Variants in SCAI observed in about 807,000 individuals in gnomAD.
The protein encoded by SCAI is protein SCAI.
In SCAI, 24 loss-of-function variants were observed where a neutral mutation model predicts 92.2. That is an observed-to-expected ratio of 0.26 (90% CI 0.19 to 0.37). The LOEUF (loss-of-function observed/expected upper bound fraction) is 0.37. SCAI is among the 10% of genes least tolerant of loss of function. The pLI, the probability that SCAI is intolerant of heterozygous loss-of-function variation, is 1.00. For synonymous variants in SCAI, 261 were observed against 258.6 expected, an observed-to-expected ratio of 1.01 and a Z score of -0.09; for missense variants, 450 against 736.2, an observed-to-expected ratio of 0.61 and a Z score of 4.50.
At chr9:125,033,673 A>C (rs1051436312) in intron 3 of SCAI, among the ~76,000 whole-genome samples, 1 of 152,180 alleles carries the variant, frequency 6.6e-6, no homozygotes, top group Non-Finnish European at 1.5e-5. Context: ...GGTGCACGTA[A>C]CCTGTGAGGA....
chr9:124,962,174 G>GC (rs1390328727), intron 17 of SCAI, among the ~76,000 whole-genome samples: 5 of 143,070 alleles, frequency 3.5e-5, no homozygotes, highest in East Asian at 2.0e-4. Flanking sequence ...TTTTTTTGCG[G>GC]GGGGGGATGG....
chr9:125,130,023 C>T (rs543387284), intron 2 of SCAI, among the ~76,000 whole-genome samples: 41 of 151,866 alleles, frequency 2.7e-4, no homozygotes, highest in East Asian at 2.0e-3. Flanking sequence ...CTCAGCCACC[C>T]GAGTAGCTGG....
rs542059635 is a variant in SCAI at position 124,987,594 on chromosome 9, C to T, written c.1326+7340G>A. Among the ~76,000 whole-genome samples, 8 of 152,272 alleles carry T rather than the reference C, an allele frequency of 5.3e-5. No homozygotes were observed. In the East Asian group the frequency reaches 1.4e-3, roughly 26 times the overall value. ...GGAAATATTAGACAAGATCCTGAAC[C>T]TCAGAGGCAAAGTTTCCTCAAGTAC... On this transcript the variant is annotated intron_variant, in intron 14 of 17. Coordinates refer to ENST00000336505, the MANE Select transcript of SCAI (RefSeq NM_001144877.3).
At chr9:124,999,205 G>A (rs1446552814) in intron 13 of SCAI, among the ~76,000 whole-genome samples, 1 of 151,854 alleles carries the variant, frequency 6.6e-6, no homozygotes, top group Non-Finnish European at 1.5e-5. Context: ...TGACAAACAT[G>A]GTAAAACCCC....
At chr9:125,115,393 A>C (rs1728826920) in intron 2 of SCAI, among the ~76,000 whole-genome samples, 1 of 151,100 alleles carries the variant, frequency 6.6e-6, no homozygotes, top group African/African-American at 2.4e-5. Flanking sequence ...AAAAAAAAAA[A>C]ACTCTTGAAG....
chr9:124,978,870 C>CT (rs954447122), intron 14 of SCAI, among the ~76,000 whole-genome samples: 27 of 148,092 alleles, frequency 1.8e-4, no homozygotes, highest in East Asian at 7.9e-4. Context: ...TACTTTTTTT[C>CT]TTTTTTTTTT....
intron 3 of SCAI, among the ~76,000 whole-genome samples, chr9:125,053,451 A>G (rs908705862): frequency 6.6e-6 from 1 of 152,258 alleles, no homozygotes; most frequent in Non-Finnish European, 1.5e-5. Flanking sequence ...ACAAATTGTG[A>G]TAAATCCTTA....
At chr9:125,046,348 T>TGC (rs1833443303) in intron 3 of SCAI, among the ~76,000 whole-genome samples, 1 of 111,458 alleles carries the variant, frequency 9.0e-6, no homozygotes, top group African/African-American at 3.4e-5. Flanking sequence ...TATATGTGTG[T>TGC]GTGTGTATAT....
intron 2 of SCAI, among the ~76,000 whole-genome samples, chr9:125,113,270 A>G (rs1834965042): frequency 6.6e-6 from 1 of 152,230 alleles, no homozygotes; most frequent in Non-Finnish European, 1.5e-5. Flanking sequence ...CAATGTGATG[A>G]GAAATGCATT....
chr9:124,953,956 C>T (rs1442814937), intron 17 of SCAI, among the ~76,000 whole-genome samples: 1 of 152,184 alleles, frequency 6.6e-6, no homozygotes, highest in Admixed American at 6.5e-5. Flanking sequence ...TCAAGCAATC[C>T]TCCCACCTCA....
At chr9:125,022,084 G>C (rs967463112) in intron 6 of SCAI, among the ~76,000 whole-genome samples, 1 of 151,806 alleles carries the variant, frequency 6.6e-6, no homozygotes, top group Non-Finnish European at 1.5e-5. Context: ...GAACAAACTT[G>C]TTACTCAAAT....
chr9:124,979,294 C>T (rs942138781), intron 14 of SCAI, among the ~76,000 whole-genome samples: 1 of 151,930 alleles, frequency 6.6e-6, no homozygotes, highest in Non-Finnish European at 1.5e-5. Context: ...AATCCCAGCA[C>T]TTTGAGAGGC....
Position 124,950,113 on chromosome 9 carries a change from A to G in SCAI, c.*2694T>C, listed in dbSNP as rs1831209993. ...GAGTCTCTGTCTGTACTAGTTTCTA[A>G]AACAGCTAAGTGGGACCCAGATTTT... On this transcript the variant is annotated 3_prime_UTR_variant, in exon 18 of 18. Transcript: ENST00000336505. 1 of 152,132 alleles carries G rather than the reference A, an allele frequency of 6.6e-6. No homozygotes were observed. Among genetic ancestry groups the G allele is most frequent in the South Asian group, 2.1e-4 (1 of 4,820 alleles). 9.4% of individuals were successfully genotyped at this position (152,132 alleles called of 1,614,324 possible).
intron 2 of SCAI, among the ~76,000 whole-genome samples, chr9:125,099,771 G>T (rs1834640991): frequency 6.6e-6 from 1 of 152,156 alleles, no homozygotes. Flanking sequence ...TAAGTACTTT[G>T]TATAAGTGGA....
At chr9:125,043,880 G>A (rs529808909) in intron 3 of SCAI, among the ~76,000 whole-genome samples, 25 of 152,250 alleles carry the variant, frequency 1.6e-4, no homozygotes, top group African/African-American at 6.0e-4. Context: ...GGTGGAAGCC[G>A]GGCCACCTAC....
At chr9:125,138,401 A>G (rs1835588222) in intron 2 of SCAI, among the ~76,000 whole-genome samples, 1 of 150,836 alleles carries the variant, frequency 6.6e-6, no homozygotes, top group South Asian at 2.1e-4. Context: ...GATTACAGAC[A>G]TGCGCTACCA....
intron 17 of SCAI, among the ~76,000 whole-genome samples, chr9:124,962,302 G>GGT (rs1831455712): frequency 6.6e-6 from 1 of 151,794 alleles, no homozygotes; most frequent in Non-Finnish European, 1.5e-5. Context: ...TGAGACTACA[G>GGT]GCTCACGCCA....
intron 2 of SCAI, among the ~76,000 whole-genome samples, chr9:125,069,617 CTTTTTT>C (rs919064250): frequency 2.2e-5 from 2 of 91,032 alleles, no homozygotes; most frequent in African/African-American, 4.9e-5. Context: ...TGCACCCGGT[CTTTTTT>C]TTTTTTTTTT....
intron 9 of SCAI, among the ~76,000 whole-genome samples, chr9:125,008,609 T>C (rs1270038367): frequency 6.6e-6 from 1 of 152,102 alleles, no homozygotes; most frequent in African/African-American, 2.4e-5. Flanking sequence ...TCAGAAGATA[T>C]GGTTAGTGAA....
Sources: gnomAD v4.1 joint callset for allele counts (sites outside exome capture counted in the v4.1 genomes callset) on GRCh38, gnomAD v4.1.1 for gene constraint, MANE v1.5 for transcripts, NCBI Gene and HGNC (gene_info 2026-07-23, HGNC 2026-07-21) for gene names.